The following NTM variants were observed in gnomAD, a reference collection of about 807,000 sequenced individuals.
The protein encoded by NTM is IgLON family member 2.
Under a neutral mutation model 42.1 loss-of-function variants are expected in NTM, and 13 were observed. The ratio of observed to expected loss-of-function variants is 0.31; its 90% CI spans 0.20 to 0.49. The LOEUF (loss-of-function observed/expected upper bound fraction) is 0.49. Ranked by LOEUF, NTM falls within the 20% of genes least tolerant of loss-of-function variation. The pLI is 0.99. For synonymous variants in NTM, 187 were observed against 179.2 expected, an observed-to-expected ratio of 1.04 and a Z score of -0.35; for missense variants, 373 against 452.8, an observed-to-expected ratio of 0.82 and a Z score of 1.60.
intron 2 of NTM, among the ~76,000 whole-genome samples, chr11:132,081,769 C>T (rs1265256545): frequency 1.3e-5 from 2 of 150,666 alleles, no homozygotes; most frequent in African/African-American, 2.4e-5. Flanking sequence ...TTTAAATCTA[C>T]TAACACTTGT....
At chr11:132,243,928 C>A (rs941057044) in intron 4 of NTM, among the ~76,000 whole-genome samples, 2 of 152,150 alleles carry the variant, frequency 1.3e-5, no homozygotes, top group Admixed American at 1.3e-4. Context: ...AGGGTTTAGA[C>A]CCTCCTTCAC....
chr11:131,673,757 T>G (rs1481103655), intron 1 of NTM, among the ~76,000 whole-genome samples: 2 of 152,136 alleles, frequency 1.3e-5, no homozygotes, highest in African/African-American at 4.8e-5. Flanking sequence ...AGCCCTCCAC[T>G]CTCTCGGCTC....
intron 1 of NTM, among the ~76,000 whole-genome samples, chr11:131,593,911 C>G (rs985408127): frequency 2.0e-5 from 3 of 152,082 alleles, no homozygotes; most frequent in Non-Finnish European, 4.4e-5. Flanking sequence ...TTTTATTTCC[C>G]CCTTGTGGTG....
chr11:131,519,145 A>C (rs1469079538), intron 1 of NTM, among the ~76,000 whole-genome samples: 1 of 152,228 alleles, frequency 6.6e-6, no homozygotes, highest in Non-Finnish European at 1.5e-5. Context: ...GGGCCACTTC[A>C]TGAGGAGAAG....
chr11:131,605,094 A>C (rs1003455331), intron 1 of NTM, among the ~76,000 whole-genome samples: 1 of 146,328 alleles, frequency 6.8e-6, no homozygotes, highest in African/African-American at 2.5e-5. Flanking sequence ...CAATTTCTGC[A>C]AAAAAAAAAG....
chr11:132,292,812 A>T (rs1223509503), intron 4 of NTM, among the ~76,000 whole-genome samples: 5 of 151,068 alleles, frequency 3.3e-5, no homozygotes, highest in African/African-American at 1.2e-4. Context: ...AAAAAAAAAA[A>T]ACTAAAAAAT....
chr11:131,778,767 A>G (rs1046883033), intron 1 of NTM, among the ~76,000 whole-genome samples: 6 of 152,078 alleles, frequency 3.9e-5, no homozygotes. Flanking sequence ...CCGGTTAACT[A>G]TTGTAGTAGG....
intron 1 of NTM, among the ~76,000 whole-genome samples, chr11:131,632,836 G>A (rs1352945395): frequency 3.3e-5 from 5 of 150,660 alleles, no homozygotes; most frequent in Non-Finnish European, 4.4e-5. Flanking sequence ...CACCATGCCC[G>A]GCTAATTTTT....
At chr11:132,239,979 C>G (rs2089888483) in intron 4 of NTM, among the ~76,000 whole-genome samples, 1 of 151,400 alleles carries the variant, frequency 6.6e-6, no homozygotes, top group Non-Finnish European at 1.5e-5. Flanking sequence ...ATCCATCCAT[C>G]CATCCATCAT....
chr11:132,320,169 A>G (rs549087636), intron 7 of NTM, among the ~76,000 whole-genome samples: 1 of 152,350 alleles, frequency 6.6e-6, no homozygotes, highest in South Asian at 2.1e-4. Flanking sequence ...ATGGGATAAA[A>G]GCCGCAAGAT....
Position 131,740,272 on chromosome 11 carries a change from A to C in NTM, c.83-171292A>C, listed in dbSNP as rs75962984. ...ATGTGCCTCGATTTCCACATTGTAAAATAAGGGTAATAACTGTTGCCTGTC... is the reference window on the plus strand; with the variant it reads ...ATGTGCCTCGATTTCCACATTGTAACATAAGGGTAATAACTGTTGCCTGTC... On this transcript the variant is annotated intron_variant, in intron 1 of 8. Coordinates refer to ENST00000683400, the MANE Select transcript of NTM (RefSeq NM_001352005.2). Among the ~76,000 whole-genome samples, 540 of 152,306 alleles carry C rather than the reference A, an allele frequency of 3.5e-3. 9 individuals are homozygous for C. The East Asian group carries it at 0.036, about 10-fold the overall frequency.
chr11:131,982,316 C>A (rs140797898), intron 2 of NTM, among the ~76,000 whole-genome samples: 1 of 151,450 alleles, frequency 6.6e-6, no homozygotes, highest in Non-Finnish European at 1.5e-5. Context: ...TTCTTTGTTA[C>A]GAAGATCAAG....
intron 2 of NTM, among the ~76,000 whole-genome samples, chr11:131,991,444 T>C (rs774314621): frequency 2.0e-5 from 3 of 152,184 alleles, no homozygotes; most frequent in African/African-American, 4.8e-5. Context: ...TAGTCTTTCA[T>C]TTAATAAACA....
chr11:131,865,789 A>G, intron 1 of NTM, among the ~76,000 whole-genome samples: 1 of 151,316 alleles, frequency 6.6e-6, no homozygotes, highest in Non-Finnish European at 1.5e-5. Flanking sequence ...CATGCTACAC[A>G]CACACCTCCC....
rs554312069 is a variant in NTM at position 131,913,766 on chromosome 11, G to A, written c.167+2118G>A. Among the ~76,000 whole-genome samples the A allele has an allele frequency of 3.3e-5, 5 of 152,178 alleles. No homozygotes were observed. The South Asian group carries it at 6.2e-4, about 19-fold the overall frequency. ...CTTGAATTGACCCCAACCCAGCCAA[G>A]TTCCTTCTGGAACATCTCCTGCCAT... On this transcript the variant is annotated intron_variant, in intron 2 of 8. Coordinates refer to ENST00000683400, the MANE Select transcript of NTM (RefSeq NM_001352005.2).
At chr11:131,390,814 C>A (rs1280859940) in intron 1 of NTM, among the ~76,000 whole-genome samples, 1 of 152,122 alleles carries the variant, frequency 6.6e-6, no homozygotes, top group Non-Finnish European at 1.5e-5. Flanking sequence ...GACTCTGGAC[C>A]TCTGAGAGGA....
chr11:132,216,435 T>C (rs1467430720), intron 4 of NTM, among the ~76,000 whole-genome samples: 1 of 152,178 alleles, frequency 6.6e-6, no homozygotes, highest in Admixed American at 6.5e-5. Context: ...CTGAGTGTCC[T>C]AATGGAGCTC....
intron 1 of NTM, among the ~76,000 whole-genome samples, chr11:131,474,107 T>A (rs1194954892): frequency 6.6e-6 from 1 of 152,196 alleles, no homozygotes; most frequent in African/African-American, 2.4e-5. Flanking sequence ...GCCCCTAGTC[T>A]TACTTTTTCA....
chr11:132,294,324 T>G (rs1051617045), intron 4 of NTM, among the ~76,000 whole-genome samples: 1 of 152,112 alleles, frequency 6.6e-6, no homozygotes, highest in Non-Finnish European at 1.5e-5. Flanking sequence ...CCCAGTTTTT[T>G]ATCAGCTGCT....
Sources: gnomAD v4.1 joint callset for allele counts (sites outside exome capture counted in the v4.1 genomes callset) on GRCh38, gnomAD v4.1.1 for gene constraint, MANE v1.5 for transcripts, NCBI Gene and HGNC (gene_info 2026-07-23, HGNC 2026-07-21) for gene names.